Variants in MAD1L1 observed in about 807,000 individuals in gnomAD.
MAD1L1 encodes the protein mitotic arrest deficient 1 like 1.
Under a neutral mutation model 96.9 loss-of-function variants are expected in MAD1L1, and 95 were observed. The observed-to-expected ratio is 0.98, with a 90% CI of 0.83 to 1.16. MAD1L1 has a LOEUF of 1.16. MAD1L1 is among the 50% of genes most tolerant of loss of function. The pLI is 0.00. For synonymous variants in MAD1L1, 473 were observed against 396.6 expected (o/e 1.19, Z -2.29); for missense variants, 1,007 against 954.4 (o/e 1.06, Z -0.73).
chr7:1,861,395 T>A (rs1583583466), intron 18 of MAD1L1, among the ~76,000 whole-genome samples: 2 of 151,534 alleles, frequency 1.3e-5, no homozygotes, highest in South Asian at 4.2e-4. Context: ...AACAGAAGCG[T>A]CACTGCTCCG....
intron 17 of MAD1L1, among the ~76,000 whole-genome samples, chr7:1,908,011 C>G (rs992325901): frequency 6.6e-6 from 1 of 152,224 alleles, no homozygotes; most frequent in Admixed American, 6.5e-5. Flanking sequence ...CCAGGGCCAC[C>G]CTGCAAGGGT....
At chr7:1,822,892 G>A (rs1403162888) in intron 18 of MAD1L1, among the ~76,000 whole-genome samples, 3 of 151,998 alleles carry the variant, frequency 2.0e-5, no homozygotes, top group Admixed American at 2.0e-4. Flanking sequence ...CATGGCTGGG[G>A]CAGCGCTGGA....
rs534208142 is a variant in MAD1L1 at position 1,874,425 on chromosome 7, G to A, written c.1998+23775C>T. 1,215 of 425,802 alleles carry A rather than the reference G, an allele frequency of 2.9e-3. 1 individual carries two copies. Among genetic ancestry groups the A allele is most frequent in the Non-Finnish European group, 4.4e-3 (934 of 214,498 alleles). The allele number at this position is 425,802 out of a possible 1,614,324, so 26.4% of individuals were successfully genotyped here. ...AAGACGGTGGCCAGGCCGTGACATC[G>A]AGGGTAGCACCCGCCGTGGCCAGGG... On this transcript the variant is annotated intron_variant, in intron 18 of 18. Transcript: ENST00000265854.
chr7:2,135,812 C>T (rs1320743546), intron 11 of MAD1L1, among the ~76,000 whole-genome samples: 3 of 152,244 alleles, frequency 2.0e-5, no homozygotes, highest in Non-Finnish European at 1.5e-5. Flanking sequence ...GGAGCAACGG[C>T]CTCAGCAGAG....
chr7:2,074,940 T>C (rs1207644509), intron 11 of MAD1L1, among the ~76,000 whole-genome samples: 4 of 151,934 alleles, frequency 2.6e-5, no homozygotes, highest in East Asian at 3.9e-4. Context: ...TGCTCATTCG[T>C]GGTCAGCCCA....
chr7:1,874,312 G>A (rs536352476), intron 18 of MAD1L1, among the ~76,000 whole-genome samples: 22 of 152,160 alleles, frequency 1.4e-4, no homozygotes, highest in Non-Finnish European at 2.4e-4. Context: ...CTGGGCCACA[G>A]TGCAGAGGAC....
At chr7:1,856,021 G>A (rs1034603387) in intron 18 of MAD1L1, among the ~76,000 whole-genome samples, 6 of 152,162 alleles carry the variant, frequency 3.9e-5, no homozygotes, top group African/African-American at 9.7e-5. Context: ...GCGCTCACGT[G>A]GGGTGCGGTG....
At chr7:1,987,569 G>T (rs1435430080) in intron 14 of MAD1L1, among the ~76,000 whole-genome samples, 1 of 152,154 alleles carries the variant, frequency 6.6e-6, no homozygotes, top group South Asian at 2.1e-4. Flanking sequence ...AGCCATCGGG[G>T]AGGGGGGGAG....
intron 13 of MAD1L1, among the ~76,000 whole-genome samples, chr7:2,004,123 G>A (rs945791888): frequency 6.6e-6 from 1 of 152,088 alleles, no homozygotes; most frequent in Non-Finnish European, 1.5e-5. Context: ...CTCTCCTCAC[G>A]CAGCCCTACA....
intron 11 of MAD1L1, among the ~76,000 whole-genome samples, chr7:2,129,534 T>A (rs930573823): frequency 3.9e-5 from 6 of 152,034 alleles, no homozygotes; most frequent in African/African-American, 1.4e-4. Context: ...CAGAGTCCAG[T>A]CACACACGAG....
chr7:2,004,554 C>CCA (rs1781946641), intron 13 of MAD1L1, among the ~76,000 whole-genome samples: 1 of 152,248 alleles, frequency 6.6e-6, no homozygotes, highest in South Asian at 2.1e-4. Flanking sequence ...CCCGGACCAA[C>CCA]CACGCTCTCC....
chr7:2,128,756 G>A (rs1014045007), intron 11 of MAD1L1, among the ~76,000 whole-genome samples: 6 of 152,216 alleles, frequency 3.9e-5, no homozygotes, highest in African/African-American at 1.4e-4. Context: ...GACAGGACAG[G>A]TGGCTGCTGG....
intron 16 of MAD1L1, among the ~76,000 whole-genome samples, chr7:1,953,472 C>T (rs2128472296): frequency 6.6e-6 from 1 of 152,280 alleles, no homozygotes; most frequent in African/African-American, 2.4e-5. Context: ...ACCAACCTGC[C>T]CAAACAAGCA....
At chr7:1,961,168 C>T (rs940117877) in intron 15 of MAD1L1, among the ~76,000 whole-genome samples, 9 of 152,184 alleles carry the variant, frequency 5.9e-5, no homozygotes, top group Non-Finnish European at 1.2e-4. Flanking sequence ...GTGTTGGGAA[C>T]GCACTTCTCC....
At chr7:2,020,828 A>G (rs965459274) in intron 12 of MAD1L1, among the ~76,000 whole-genome samples, 3 of 152,076 alleles carry the variant, frequency 2.0e-5, no homozygotes, top group Admixed American at 2.0e-4. Context: ...GCACAATCTC[A>G]AGAATGAATA....
At position 1,816,118 on chromosome 7, in the gene MAD1L1, G is replaced by C. The variant is rs1232860281; in HGVS notation, c.2109C>G (p.Phe703Leu). 2 of 1,612,816 alleles carry C rather than the reference G, an allele frequency of 1.2e-6. No homozygotes were observed. The highest frequency in any genetic ancestry group is 2.7e-5 in the African/African-American group (2 of 74,920). Reference sequence around the variant, plus strand: ...AGAGCTCGAGGGTGAGCGAGCTGAGGAAGGCAGGGATGCTGTCCTGGCGCC... The same window carrying C: ...AGAGCTCGAGGGTGAGCGAGCTGAGCAAGGCAGGGATGCTGTCCTGGCGCC... ...HLRRQDSIPA[F>L]LSSLTLELFS... Residue 703 changes from phenylalanine (F) to leucine (L), a missense_variant, in exon 19 of 19, where the codon TTC becomes TTG. Physicochemically the swap from Phe to Leu is conservative, Grantham distance 22 (BLOSUM62 0). Transcript: ENST00000265854.
rs979589252 is a variant in MAD1L1 at position 2,216,359 on chromosome 7, A to G, written c.679-72T>C. On this transcript the variant is annotated intron_variant, in intron 7 of 18. Coordinates refer to ENST00000265854, the MANE Select transcript of MAD1L1 (RefSeq NM_001013836.2). The stretch of plus-strand genomic sequence containing the variant: ...GAGACCTGGAGAAAATCACACGCAC[A>G]CGGCTAAGAGAAGGAAGCCGGTCTG... The G allele has an allele frequency of 6.0e-6, 9 of 1,500,530 alleles. No homozygotes were observed. The African/African-American group carries it at 1.2e-4, about 21-fold the overall frequency. 93.0% of individuals were successfully genotyped at this position (1,500,530 alleles called of 1,614,324 possible). A position where few individuals can be genotyped will look rare whatever the true frequency, so the allele number is the denominator to read the frequency against.
chr7:1,838,157 G>A (rs1381581431), intron 18 of MAD1L1, among the ~76,000 whole-genome samples: 1 of 152,214 alleles, frequency 6.6e-6, no homozygotes, highest in Non-Finnish European at 1.5e-5. Flanking sequence ...AATCTCAGGA[G>A]GTTCACGGAC....
At chr7:1,959,917 C>G (rs923811085) in intron 15 of MAD1L1, among the ~76,000 whole-genome samples, 2 of 151,974 alleles carry the variant, frequency 1.3e-5, no homozygotes, top group African/African-American at 2.4e-5. Context: ...ATTCAGGTCT[C>G]TTAAAAAAAT....
Sources: gnomAD v4.1 joint callset for allele counts (sites outside exome capture counted in the v4.1 genomes callset) on GRCh38, gnomAD v4.1.1 for gene constraint, MANE v1.5 for transcripts, NCBI Gene and HGNC (gene_info 2026-07-23, HGNC 2026-07-21) for gene names.